NRXN1: variants seen among roughly 807,000 people sequenced by gnomAD.
NRXN1 encodes neurexin-1.
In NRXN1, 39 loss-of-function variants were observed where a neutral mutation model predicts 150.9. The observed-to-expected ratio is 0.26, with a 90% CI of 0.20 to 0.34. The LOEUF is 0.34. Ranked by LOEUF, NRXN1 falls within the 10% of genes least tolerant of loss-of-function variation. The pLI is 1.00. For missense variants in NRXN1, 1,815 were observed against 1,949.9 expected (o/e 0.93, Z 1.30); for synonymous variants, 924 against 757.0 (o/e 1.22, Z -3.62).
chr2:50,866,168 C>T (rs1465831662), intron 5 of NRXN1, among the ~76,000 whole-genome samples: 2 of 151,850 alleles, frequency 1.3e-5, no homozygotes, highest in African/African-American at 2.4e-5. Flanking sequence ...AAGATTTCTA[C>T]TGTTGAATAT....
chr2:50,506,866 C>T, intron 12 of NRXN1: 1 of 453,180 alleles, frequency 2.2e-6, no homozygotes, highest in Non-Finnish European at 4.0e-6. Context: ...CAGGTGTGAC[C>T]ATTTAAGAAT....
intron 5 of NRXN1, among the ~76,000 whole-genome samples, chr2:50,908,699 G>T (rs1317476125): frequency 6.6e-6 from 1 of 152,046 alleles, no homozygotes; most frequent in African/African-American, 2.4e-5. Context: ...CCCAAATTTT[G>T]TGTGTTGAAA....
At chr2:50,490,224 C>A (rs951400269) in intron 15 of NRXN1, among the ~76,000 whole-genome samples, 4 of 152,174 alleles carry the variant, frequency 2.6e-5, no homozygotes, top group African/African-American at 9.7e-5. Flanking sequence ...CCCATTGAAG[C>A]CAAAGGAATA....
intron 13 of NRXN1, among the ~76,000 whole-genome samples, chr2:50,499,863 G>A (rs532325599): frequency 8.0e-5 from 12 of 150,136 alleles, no homozygotes; most frequent in South Asian, 2.1e-4. Flanking sequence ...CAGGAGAATC[G>A]CTTGAACCTG....
At chr2:50,521,496 T>C (rs1413206903) in intron 12 of NRXN1, among the ~76,000 whole-genome samples, 2 of 152,178 alleles carry the variant, frequency 1.3e-5, no homozygotes, top group Non-Finnish European at 2.9e-5. Flanking sequence ...GTTTTCATAA[T>C]GCATTTCTTA....
chr2:49,932,292 A>T (rs959917414), intron 22 of NRXN1, among the ~76,000 whole-genome samples: 3 of 152,088 alleles, frequency 2.0e-5, no homozygotes, highest in African/African-American at 7.2e-5. Context: ...ATGGTGGCGC[A>T]TGCCTGTAGT....
intron 17 of NRXN1, among the ~76,000 whole-genome samples, chr2:50,420,491 T>C (rs1354237348): frequency 6.6e-6 from 1 of 151,922 alleles, no homozygotes; most frequent in Non-Finnish European, 1.5e-5. Flanking sequence ...AAAGTTATCA[T>C]TGATTTTTGC....
chr2:50,152,099 T>C (rs1439843268), intron 18 of NRXN1, among the ~76,000 whole-genome samples: 1 of 151,754 alleles, frequency 6.6e-6, no homozygotes, highest in Admixed American at 6.6e-5. Context: ...AGTTCAGTGG[T>C]ACTAAGTGCA....
At chr2:50,239,972 C>T (rs577234971) in intron 17 of NRXN1, among the ~76,000 whole-genome samples, 1 of 151,212 alleles carries the variant, frequency 6.6e-6, no homozygotes, top group South Asian at 2.1e-4. Context: ...ACTTCCCAAA[C>T]CTATGGAACT....
intron 2 of NRXN1, among the ~76,000 whole-genome samples, chr2:50,988,328 T>C (rs1267590838): frequency 1.3e-5 from 2 of 152,020 alleles, no homozygotes; most frequent in Non-Finnish European, 2.9e-5. Context: ...AGACTTTAGA[T>C]GCAAACCATT....
At chr2:51,013,319 C>T (rs930130704) in intron 2 of NRXN1, among the ~76,000 whole-genome samples, 4 of 151,996 alleles carry the variant, frequency 2.6e-5, no homozygotes, top group Non-Finnish European at 4.4e-5. Context: ...ATTCCAGGGA[C>T]ACCAATGTGC....
intron 17 of NRXN1, among the ~76,000 whole-genome samples, chr2:50,291,329 G>A (rs1915231): frequency 6.6e-6 from 1 of 151,944 alleles, no homozygotes. Flanking sequence ...ATTTTAAAAC[G>A]AGTTAAGAGT....
chr2:50,206,645 C>T (rs1339257893), intron 18 of NRXN1, among the ~76,000 whole-genome samples: 1 of 151,898 alleles, frequency 6.6e-6, no homozygotes, highest in South Asian at 2.1e-4. Context: ...ATTATGGACC[C>T]TCAGGTTGAC....
chr2:50,579,624 A>G (rs1671954924), intron 8 of NRXN1, among the ~76,000 whole-genome samples: 3 of 152,188 alleles, frequency 2.0e-5, no homozygotes, highest in Non-Finnish European at 4.4e-5. Context: ...ACTTAAGCCT[A>G]GGAAGACCCT....
intron 15 of NRXN1, among the ~76,000 whole-genome samples, chr2:50,474,839 C>CCCCAAAAAAAAA (rs1558795095): frequency 9.2e-6 from 1 of 108,854 alleles, no homozygotes; most frequent in Admixed American, 1.1e-4. Context: ...GCCCCCCTAC[C>CCCCAAAAAAAAA]AAAAAAAAAA....
chr2:50,996,236 T>C (rs1391016828), intron 2 of NRXN1, among the ~76,000 whole-genome samples: 1 of 152,118 alleles, frequency 6.6e-6, no homozygotes, highest in Non-Finnish European at 1.5e-5. Context: ...TCCGTATTTT[T>C]GTGGCACAAT....
At chr2:50,859,649 G>GACA (rs1415283195) in intron 5 of NRXN1, among the ~76,000 whole-genome samples, 2 of 151,510 alleles carry the variant, frequency 1.3e-5, no homozygotes, top group African/African-American at 4.9e-5. Flanking sequence ...GGTGGTCTGG[G>GACA]ACAGATGTCA....
chr2:50,053,044 C>T (rs1692972156), intron 21 of NRXN1, among the ~76,000 whole-genome samples: 1 of 152,164 alleles, frequency 6.6e-6, no homozygotes, highest in Non-Finnish European at 1.5e-5. Flanking sequence ...CATTTAGCAT[C>T]TAACAAACCA....
chr2:50,796,393 A>G (rs1351142175), intron 5 of NRXN1, among the ~76,000 whole-genome samples: 1 of 152,142 alleles, frequency 6.6e-6, no homozygotes, highest in Non-Finnish European at 1.5e-5. Context: ...CACGGGTAAT[A>G]TATGTGTTGC....
Sources: gnomAD v4.1 joint callset for allele counts (sites outside exome capture counted in the v4.1 genomes callset) on GRCh38, gnomAD v4.1.1 for gene constraint, MANE v1.5 for transcripts, NCBI Gene and HGNC (gene_info 2026-07-23, HGNC 2026-07-21) for gene names.